The following RBFOX1 variants were observed in gnomAD, a reference collection of about 807,000 sequenced individuals.
RBFOX1 encodes the protein RNA binding fox-1 homolog 1, also known as RNA binding protein fox-1 homolog 1.
Under a neutral mutation model 57.7 loss-of-function variants are expected in RBFOX1, and 8 were observed. The observed-to-expected ratio is 0.14, with a 90% CI of 0.08 to 0.25. The LOEUF is 0.25. Among genes scored for constraint, RBFOX1 ranks in the 10% least tolerant of loss-of-function variants. The probability of loss-of-function intolerance (pLI) is 1.00; values close to 1 mark genes in which losing one functional copy is unlikely to be tolerated. For synonymous variants in RBFOX1, 326 were observed against 222.4 expected, an observed-to-expected ratio of 1.47 and a Z score of -4.15; for missense variants, 611 against 548.5, an observed-to-expected ratio of 1.11 and a Z score of -1.14.
chr16:6,086,791 G>A (rs2096091992), intron 1 of RBFOX1, among the ~76,000 whole-genome samples: 1 of 152,208 alleles, frequency 6.6e-6, no homozygotes, highest in Non-Finnish European at 1.5e-5. Flanking sequence ...AAGCTAAACT[G>A]AATCATGCTC....
intron 3 of RBFOX1, among the ~76,000 whole-genome samples, chr16:6,894,859 C>T (rs1053483886): frequency 6.6e-6 from 1 of 152,100 alleles, no homozygotes; most frequent in Non-Finnish European, 1.5e-5. Context: ...TAATTCTCTG[C>T]CACAGTTCTC....
chr16:6,304,791 C>T (rs34857308), intron 1 of RBFOX1, among the ~76,000 whole-genome samples: 38,322 of 142,002 alleles, frequency 0.27, 6,295 homozygotes, highest in Non-Finnish European at 0.38. Context: ...AGGCTGAGGC[C>T]GGAGAAGGGA....
intron 2 of RBFOX1, among the ~76,000 whole-genome samples, chr16:5,509,758 G>A (rs973662921): frequency 3.9e-5 from 6 of 152,214 alleles, no homozygotes; most frequent in Non-Finnish European, 8.8e-5. Context: ...GCCAAGATGG[G>A]CGCATACACA....
chr16:6,244,074 A>G lies in RBFOX1; in HGVS notation c.-126-72921A>G, dbSNP rs575321501. Reference sequence around the variant, plus strand: ...CTCATTTAGGGAGTTGTATTTCCATATATCTTGCCATCTTTACTAAATTCC... The same window carrying G: ...CTCATTTAGGGAGTTGTATTTCCATGTATCTTGCCATCTTTACTAAATTCC... On this transcript the variant is annotated intron_variant, in intron 1 of 15. Coordinates refer to ENST00000550418, the MANE Select transcript of RBFOX1 (RefSeq NM_018723.4). 7.9e-5 allele frequency among the ~76,000 whole-genome samples: 12 copies of G among 152,230 alleles called. No individual in the cohort carries two copies. The East Asian group carries it at 2.3e-3, about 29-fold the overall frequency.
At chr16:5,323,417 G>A (rs1460153059) in intron 1 of RBFOX1, among the ~76,000 whole-genome samples, 1 of 152,172 alleles carries the variant, frequency 6.6e-6, no homozygotes, top group Non-Finnish European at 1.5e-5. Context: ...GAAAAACTCT[G>A]CTGCGGTGAC....
chr16:7,273,131 C>T (rs1469613522), intron 4 of RBFOX1, among the ~76,000 whole-genome samples: 1 of 128,478 alleles, frequency 7.8e-6, no homozygotes, highest in African/African-American at 3.1e-5. Context: ...TCCCTTTCCT[C>T]CTTCCCTGCT....
chr16:7,672,037 C>T (rs139130852), intron 13 of RBFOX1, among the ~76,000 whole-genome samples: 7 of 152,238 alleles, frequency 4.6e-5, no homozygotes, highest in African/African-American at 9.6e-5. Flanking sequence ...CAGAGTGAAC[C>T]GGAATGGGGT....
At chr16:6,930,886 C>T (rs1467217927) in intron 3 of RBFOX1, among the ~76,000 whole-genome samples, 1 of 151,970 alleles carries the variant, frequency 6.6e-6, no homozygotes, top group Non-Finnish European at 1.5e-5. Context: ...ATCCAATACC[C>T]CTGCCCCCTC....
intron 2 of RBFOX1, among the ~76,000 whole-genome samples, chr16:6,502,358 A>G (rs894585150): frequency 2.6e-5 from 4 of 152,152 alleles, no homozygotes; most frequent in Non-Finnish European, 5.9e-5. Flanking sequence ...GAAAATCCCA[A>G]GAAGAGGTGT....
intron 3 of RBFOX1, among the ~76,000 whole-genome samples, chr16:5,716,796 C>T (rs928038861): frequency 2.0e-5 from 3 of 152,174 alleles, no homozygotes; most frequent in Non-Finnish European, 4.4e-5. Context: ...AACTGGAGCT[C>T]AAGGAAGCTC....
intron 4 of RBFOX1, among the ~76,000 whole-genome samples, chr16:7,097,821 A>C (rs994871256): frequency 1.3e-5 from 2 of 152,252 alleles, no homozygotes; most frequent in African/African-American, 4.8e-5. Context: ...AATACGAAGT[A>C]TATGGAAATT....
At chr16:7,237,438 T>C (rs898063816) in intron 4 of RBFOX1, among the ~76,000 whole-genome samples, 1 of 152,246 alleles carries the variant, frequency 6.6e-6, no homozygotes. Context: ...GACCAGGCAC[T>C]GCTCTAAAGG....
intron 2 of RBFOX1, among the ~76,000 whole-genome samples, chr16:6,411,871 C>T (rs947873260): frequency 5.3e-5 from 8 of 152,092 alleles, no homozygotes; most frequent in Admixed American, 1.3e-4. Flanking sequence ...TGGTGGCTCA[C>T]GCCTGTAATC....
intron 4 of RBFOX1, chr16:7,304,297 G>C (rs559571842): frequency 5.9e-6 from 5 of 848,618 alleles, no homozygotes; most frequent in Non-Finnish European, 7.1e-6. Context: ...AATTAAAAAA[G>C]AAAAAAAAAA....
Position 6,144,661 on chromosome 16 carries a change from G to A in RBFOX1, c.-127+124669G>A, listed in dbSNP as rs112550195. Among the ~76,000 whole-genome samples the A allele has an allele frequency of 1.1e-4, 16 of 152,302 alleles. No homozygotes were observed. In the South Asian group the frequency reaches 1.2e-3, roughly 12 times the overall value. ...CAGCTTCTGCCCACATCAGTCTTCC[G>A]TGGAGAAGCACGATGCTGTCAGCTT... On this transcript the variant is annotated intron_variant, in intron 1 of 15. Coordinates refer to ENST00000550418, the MANE Select transcript of RBFOX1 (RefSeq NM_018723.4).
chr16:6,456,982 T>C (rs886418669), intron 2 of RBFOX1, among the ~76,000 whole-genome samples: 9 of 152,114 alleles, frequency 5.9e-5, no homozygotes, highest in African/African-American at 2.2e-4. Flanking sequence ...TAGGAGAAGA[T>C]AGATGTTAAG....
chr16:6,343,346 A>T (rs949914014), intron 2 of RBFOX1, among the ~76,000 whole-genome samples: 1 of 151,880 alleles, frequency 6.6e-6, no homozygotes, highest in Non-Finnish European at 1.5e-5. Context: ...TCCTTCTCAA[A>T]CCTTTTGAAT....
At chr16:6,253,386 C>G (rs1483571521) in intron 1 of RBFOX1, among the ~76,000 whole-genome samples, 1 of 152,164 alleles carries the variant, frequency 6.6e-6, no homozygotes, top group Admixed American at 6.6e-5. Context: ...GCATGAACTC[C>G]TGGGGAACTC....
chr16:6,176,443 G>A (rs891726956), intron 1 of RBFOX1, among the ~76,000 whole-genome samples: 9 of 151,312 alleles, frequency 5.9e-5, no homozygotes, highest in Non-Finnish European at 1.2e-4. Context: ...ACAGGCATGA[G>A]CTACTGTGCC....
Sources: allele counts gnomAD v4.1 joint callset (sites outside exome capture counted in the v4.1 genomes callset), GRCh38; gene constraint gnomAD v4.1.1; transcripts MANE v1.5; gene names NCBI Gene and HGNC (gene_info 2026-07-23, HGNC 2026-07-21).